KCNQ1: variants seen among roughly 807,000 people sequenced by gnomAD.
The protein encoded by KCNQ1 is potassium voltage-gated channel subfamily KQT member 1.
Under a neutral mutation model 72.4 loss-of-function variants are expected in KCNQ1, and 49 were observed. The observed-to-expected ratio is 0.68, with a 90% CI of 0.54 to 0.86. The LOEUF is 0.86. Ranked by LOEUF, KCNQ1 falls within the 40% of genes least tolerant of loss-of-function variation. The probability of loss-of-function intolerance (pLI) is 0.00; values close to 1 mark genes in which losing one functional copy is unlikely to be tolerated. For synonymous variants in KCNQ1, 450 were observed against 412.6 expected (o/e 1.09, Z -1.10); for missense variants, 790 against 945.1 (o/e 0.84, Z 2.15).
intron 15 of KCNQ1, among the ~76,000 whole-genome samples, chr11:2,788,314 C>T (rs866214395): frequency 2.6e-5 from 4 of 152,222 alleles, no homozygotes; most frequent in African/African-American, 7.2e-5. Context: ...GGTTCTTTTC[C>T]GGTTCTCTGC....
intron 1 of KCNQ1, among the ~76,000 whole-genome samples, chr11:2,523,750 A>AGTTTT (rs1847436041): frequency 1.8e-5 from 1 of 56,188 alleles, no homozygotes; most frequent in African/African-American, 6.5e-5. Flanking sequence ...GGAAGTTTAC[A>AGTTTT]GTTTTTTTTT....
Position 2,725,446 on chromosome 11 carries a change from G to A in KCNQ1, c.1515-43398G>A, listed in dbSNP as rs145460107. On this transcript the variant is annotated intron_variant, in intron 11 of 15. Transcript: ENST00000155840. This position sits in a 1 kb window ranked among gnomAD's most constrained non-coding sequence, Gnocchi z 7.2. Reference sequence around the variant, plus strand: ...TTCCTCAGAAGAGCCCACTTTTTGCGTGGAGGTGACCTGCCATTTGTCCGG... The same window carrying A: ...TTCCTCAGAAGAGCCCACTTTTTGCATGGAGGTGACCTGCCATTTGTCCGG... 3.0e-4 allele frequency among the ~76,000 whole-genome samples: 45 copies of A among 152,304 alleles called. No individual in the cohort carries two copies. Among genetic ancestry groups the A allele is most frequent in the Non-Finnish European group, 5.7e-4 (39 of 68,016 alleles).
chr11:2,737,030 A>AT (rs1374383437), intron 11 of KCNQ1, among the ~76,000 whole-genome samples: 3 of 152,160 alleles, frequency 2.0e-5, no homozygotes, highest in Non-Finnish European at 2.9e-5. Context: ...CGGGGATCCC[A>AT]TTATTCCAGG....
At chr11:2,551,114 T>G (rs1847976725) in intron 2 of KCNQ1, among the ~76,000 whole-genome samples, 1 of 152,228 alleles carries the variant, frequency 6.6e-6, no homozygotes, top group Non-Finnish European at 1.5e-5. Flanking sequence ...AATTTAGGTT[T>G]GTCGAGGTTT....
rs1157113921 is a variant in KCNQ1, at chr11:2,587,204, TCTC to T, written c.1129-363_1129-361del. ...CACTGGTTGCCCATTTCCGCATTGGTCTCCTATGCACGCTGTGTACCCTGGCAC... is the reference window on the plus strand; with the variant it reads ...CACTGGTTGCCCATTTCCGCATTGGTCTATGCACGCTGTGTACCCTGGCAC... On this transcript the variant is annotated intron_variant, in intron 8 of 15. Transcript: ENST00000155840. Among the ~76,000 whole-genome samples, 3 of 152,274 alleles carry T rather than the reference TCTC, an allele frequency of 2.0e-5. No homozygotes were observed. In the South Asian group the frequency reaches 6.2e-4, roughly 32 times the overall value.
At chr11:2,548,740 A>G (rs1241134417) in intron 2 of KCNQ1, among the ~76,000 whole-genome samples, 5 of 152,236 alleles carry the variant, frequency 3.3e-5, no homozygotes, top group Non-Finnish European at 5.9e-5. Context: ...ATGCGTGTGC[A>G]CACACGGTGT....
chr11:2,666,488 T>A (rs907327396), intron 11 of KCNQ1: 1 of 398,516 alleles, frequency 2.5e-6, no homozygotes, highest in African/African-American at 2.1e-5. Flanking sequence ...GACATTCGAG[T>A]TGCTCTTTTC....
intron 15 of KCNQ1, among the ~76,000 whole-genome samples, chr11:2,788,841 G>A (rs769989041): frequency 3.9e-5 from 6 of 152,160 alleles, no homozygotes; most frequent in Non-Finnish European, 8.8e-5. Context: ...TGAAAGCAGC[G>A]TTTGACGCTG....
chr11:2,445,516 A>T (rs1196031515), intron 1 of KCNQ1, 32 bp downstream of exon 1: 1 of 1,583,420 alleles, frequency 6.3e-7, no homozygotes, highest in African/African-American at 1.3e-5. Context: ...GGCCGGCACG[A>T]AGGTGCTTCC....
intron 12 of KCNQ1, among the ~76,000 whole-genome samples, chr11:2,774,009 G>A (rs769986883): frequency 2.0e-5 from 3 of 151,940 alleles, no homozygotes; most frequent in African/African-American, 7.3e-5. Flanking sequence ...ACAGAGACAG[G>A]GTTCAGCATC....
At chr11:2,618,343 G>T (rs1314318891) in intron 10 of KCNQ1, 1 of 398,428 alleles carries the variant, frequency 2.5e-6, no homozygotes, top group East Asian at 3.6e-5. Flanking sequence ...TTTTAACAAA[G>T]TTTACAAATT....
In KCNQ1 at chr11:2,687,188, C is replaced by A; in HGVS notation, c.1514+25107C>A. 2.5e-6 allele frequency: 1 copy of A among 398,676 alleles called. No homozygotes were observed. The highest frequency in any genetic ancestry group is 4.4e-6 in the Non-Finnish European group (1 of 226,066). 24.7% of individuals were successfully genotyped at this position (398,676 alleles called of 1,614,324 possible). A position where few individuals can be genotyped will look rare whatever the true frequency, so the allele number is the denominator to read the frequency against. On this transcript the variant is annotated intron_variant, in intron 11 of 15. Coordinates refer to ENST00000155840, the MANE Select transcript of KCNQ1 (RefSeq NM_000218.3). This position sits in a 1 kb window ranked among gnomAD's most constrained non-coding sequence, Gnocchi z 5.0. ...CACAGAAGTCTGCCAAAAGCCCAGG[C>A]TGGATAGGGAGCATCACACTGTTGG...
intron 15 of KCNQ1, among the ~76,000 whole-genome samples, chr11:2,833,262 G>C (rs778874369): frequency 1.3e-5 from 2 of 152,152 alleles, no homozygotes; most frequent in Non-Finnish European, 2.9e-5. Context: ...CCTGAGGGAC[G>C]GGAGGCCTGT....
In KCNQ1 at chr11:2,464,841, C is replaced by G. The variant is rs1318995362; in HGVS notation, c.386+19357C>G. The stretch of plus-strand genomic sequence containing the variant: ...GCCCAGAGATGGAAGGAGCTGGAGT[C>G]CACAGGGCGCTTCTCTTCTCTTTTC... On this transcript the variant is annotated intron_variant, in intron 1 of 15. Coordinates refer to ENST00000155840, the MANE Select transcript of KCNQ1 (RefSeq NM_000218.3). The surrounding 1 kb of genome is among the most constrained non-coding windows in gnomAD (Gnocchi z 5.0). Among the ~76,000 whole-genome samples the G allele has an allele frequency of 6.6e-6, 1 of 152,158 alleles. No individual in the cohort carries two copies.
rs545787448 is a variant in KCNQ1, at chr11:2,566,039, C to T, written c.478-4589C>T. ...AAGGCAGGGCGGCTGGTGGTGCTGA[C>T]GGCTCTGTGAGGCCCAGGCCTGTCT... is the stretch of plus-strand genomic sequence containing the variant. On this transcript the variant is annotated intron_variant, in intron 2 of 15. Coordinates refer to ENST00000155840, the MANE Select transcript of KCNQ1 (RefSeq NM_000218.3). The surrounding 1 kb of genome is among the most constrained non-coding windows in gnomAD (Gnocchi z 6.7). Among the ~76,000 whole-genome samples the T allele has an allele frequency of 3.9e-5, 6 of 152,228 alleles. No individual in the cohort carries two copies. The highest frequency in any genetic ancestry group is 2.1e-4 in the South Asian group (1 of 4,808).
At chr11:2,693,990 C>G in intron 11 of KCNQ1, 1 of 398,760 alleles carries the variant, frequency 2.5e-6, no homozygotes, top group Non-Finnish European at 4.4e-6. Flanking sequence ...AGGCCCAGCC[C>G]GGCCTCTCTA....
intron 1 of KCNQ1, among the ~76,000 whole-genome samples, chr11:2,506,806 G>A (rs1423673379): frequency 6.6e-6 from 1 of 152,180 alleles, no homozygotes; most frequent in Non-Finnish European, 1.5e-5. Context: ...GTTTTAATCT[G>A]TATTTCTGTA....
intron 11 of KCNQ1, among the ~76,000 whole-genome samples, chr11:2,754,834 A>G (rs1846275424): frequency 6.6e-6 from 1 of 152,270 alleles, no homozygotes; most frequent in South Asian, 2.1e-4. Context: ...TGACTGTGAA[A>G]GAAAAACATT....
intron 11 of KCNQ1, among the ~76,000 whole-genome samples, chr11:2,706,289 G>T (rs956867656): frequency 4.7e-4 from 71 of 152,358 alleles, no homozygotes; most frequent in African/African-American, 1.7e-3. Context: ...CACTGATTTT[G>T]GGGGAAGCCA....
Sources: gnomAD v4.1 joint callset for allele counts (sites outside exome capture counted in the v4.1 genomes callset) on GRCh38, gnomAD v4.1.1 for gene constraint, Gnocchi (gnomAD v3.1) non-coding constraint, MANE v1.5 for transcripts, NCBI Gene and HGNC (gene_info 2026-07-23, HGNC 2026-07-21) for gene names.